HMCN1: variants seen among roughly 807,000 people sequenced by gnomAD.
HMCN1 encodes hemicentin-1.
In HMCN1, 321 loss-of-function variants were observed where a neutral mutation model predicts 625.9. That is an observed-to-expected ratio of 0.51 (90% CI 0.47 to 0.56). The LOEUF (loss-of-function observed/expected upper bound fraction) is 0.56, where lower values mean the gene tolerates loss of function less well. Ranked by LOEUF, HMCN1 falls within the 20% of genes least tolerant of loss-of-function variation. The probability of loss-of-function intolerance (pLI) is 0.00; values close to 1 mark genes in which losing one functional copy is unlikely to be tolerated. For synonymous variants in HMCN1, 2,425 were observed against 2,417.6 expected (o/e 1.00, Z -0.09); for missense variants, 6,588 against 6,887.3 (o/e 0.96, Z 1.54).
intron 68 of HMCN1, among the ~76,000 whole-genome samples, chr1:186,100,399 T>C (rs1410981827): frequency 6.6e-6 from 1 of 152,044 alleles, no homozygotes; most frequent in Non-Finnish European, 1.5e-5. Context: ...ATTCTATCCA[T>C]GTGGTGGGAG....
chr1:186,034,577 C>G (rs1655697716), intron 36 of HMCN1, among the ~76,000 whole-genome samples: 1 of 152,066 alleles, frequency 6.6e-6, no homozygotes, highest in African/African-American at 2.4e-5. Context: ...CAGAATGGTA[C>G]TTTCAGGTCG....
intron 2 of HMCN1, among the ~76,000 whole-genome samples, chr1:185,854,791 A>G (rs534886271): frequency 1.3e-5 from 2 of 152,278 alleles, no homozygotes; most frequent in African/African-American, 4.8e-5. Context: ...GTCTTTGTAA[A>G]TCATAATGAT....
intron 13 of HMCN1, 28 bp from the exon 14 acceptor site, chr1:185,965,774 T>C (rs750589290): frequency 1.6e-6 from 2 of 1,223,428 alleles, no homozygotes; most frequent in Non-Finnish European, 2.4e-6. Context: ...TGCTAAATGT[T>C]GACTATTTGC....
intron 1 of HMCN1, among the ~76,000 whole-genome samples, chr1:185,751,338 T>C (rs1414214555): frequency 6.6e-6 from 1 of 152,160 alleles, no homozygotes; most frequent in East Asian, 1.9e-4. Context: ...ATTTTATTGT[T>C]TTCTGACTTC....
chr1:185,873,672 T>G (rs952107451), intron 4 of HMCN1, among the ~76,000 whole-genome samples: 1 of 152,046 alleles, frequency 6.6e-6, no homozygotes, highest in South Asian at 2.1e-4. Flanking sequence ...GATTGAATAA[T>G]AAGCAACTAA....
At chr1:185,896,969 A>G (rs1665527560) in intron 4 of HMCN1, among the ~76,000 whole-genome samples, 1 of 152,172 alleles carries the variant, frequency 6.6e-6, no homozygotes, top group African/African-American at 2.4e-5. Context: ...TTGGCAAAGT[A>G]TTGATTTTTT....
intron 6 of HMCN1, among the ~76,000 whole-genome samples, chr1:185,912,184 C>A (rs1214727802): frequency 6.6e-6 from 1 of 152,174 alleles, no homozygotes; most frequent in Non-Finnish European, 1.5e-5. Context: ...GCCTGGGGAG[C>A]AGAACTTCTC....
In HMCN1 at chr1:186,114,889, T is replaced by C; in HGVS notation, c.11347T>C (p.Cys3783Arg). The change falls in exon 74 of 107, where the codon TGT (cysteine) becomes CGT (arginine). Residue 3783 changes from cysteine (C) to arginine (R), a missense_variant. Physicochemically the swap from Cys to Arg is radical, Grantham distance 180. Around this residue, in one of 3 missense-constraint regions of HMCN1, gnomAD observed 4,628 missense variants for 4,853.1 expected, o/e 0.95. Transcript: ENST00000271588. ...AHVTDTGRYL[C>R]MATNAAGTDR... ...TGTCACTGACACTGGACGGTATTTG[T>C]GTATGGCCACCAATGCTGCTGGAAC... The C allele has an allele frequency of 6.2e-7, 1 of 1,614,188 alleles. No homozygotes were observed. The highest frequency in any genetic ancestry group is 8.5e-7 in the Non-Finnish European group (1 of 1,180,006).
At chr1:186,144,729 C>T in intron 91 of HMCN1, 26 bp downstream of exon 91, 4 of 1,611,986 alleles carry the variant, frequency 2.5e-6, no homozygotes, top group Non-Finnish European at 3.4e-6. Flanking sequence ...AGTGAGTCAA[C>T]ATTATACTTT....
chr1:185,822,966 A>G (rs1660283922), intron 1 of HMCN1, among the ~76,000 whole-genome samples: 1 of 152,100 alleles, frequency 6.6e-6, no homozygotes, highest in Non-Finnish European at 1.5e-5. Flanking sequence ...TCACTGTTAA[A>G]ATTTGATATA....
At chr1:185,982,431 G>C in intron 18 of HMCN1, 42 bp downstream of exon 18, 1 of 1,526,534 alleles carries the variant, frequency 6.6e-7, no homozygotes. Flanking sequence ...TCTTTTGTGA[G>C]TTTTCTTTTC....
chr1:185,962,602 A>G lies in HMCN1; in HGVS notation c.1913A>G (p.Tyr638Cys), dbSNP rs184523019. Residue 638 changes from tyrosine (Y) to cysteine (C), a missense_variant, in exon 12 of 107, where the codon TAT becomes TGT. Tyr to Cys is a radical substitution (Grantham distance 194). Transcript: ENST00000271588. ...EVSIMCSATG[Y>C]PKPKIAWTVN... ...TCCATCATGTGTTCTGCAACAGGTT[A>G]TCCCAAACCAAAGATTGCCTGGACC... is the stretch of plus-strand genomic sequence containing the variant. 8.1e-6 allele frequency: 13 copies of G among 1,595,324 alleles called. No individual in the cohort carries two copies. In the East Asian group the frequency reaches 1.1e-4, roughly 14 times the overall value.
intron 6 of HMCN1, among the ~76,000 whole-genome samples, chr1:185,921,688 T>A (rs901507306): frequency 3.9e-5 from 6 of 152,214 alleles, no homozygotes; most frequent in Admixed American, 2.0e-4. Context: ...TATGTGGTCA[T>A]TTTATTTTGA....
intron 70 of HMCN1, among the ~76,000 whole-genome samples, chr1:186,107,518 T>C (rs1007102655): frequency 2.0e-5 from 3 of 152,222 alleles, no homozygotes; most frequent in Non-Finnish European, 1.5e-5. Flanking sequence ...GTTTATATAG[T>C]GTACCTATAG....
chr1:186,138,766 A>C lies in HMCN1; in HGVS notation c.13924+794A>C, dbSNP rs552279663. On this transcript the variant is annotated intron_variant, in intron 89 of 106. Coordinates refer to ENST00000271588, the MANE Select transcript of HMCN1 (RefSeq NM_031935.3). ...AACCCTGTTTGCTTTTGTTCAGGTCACATGTTTACCCCTGAACTCAAGTGA... is the reference window on the plus strand; with the variant it reads ...AACCCTGTTTGCTTTTGTTCAGGTCCCATGTTTACCCCTGAACTCAAGTGA... Among the ~76,000 whole-genome samples the C allele has an allele frequency of 3.9e-5, 6 of 152,260 alleles. No homozygotes were observed. In the South Asian group the frequency reaches 1.2e-3, roughly 32 times the overall value.
chr1:186,134,293 G>T (rs1405505835), intron 86 of HMCN1, among the ~76,000 whole-genome samples: 1 of 152,086 alleles, frequency 6.6e-6, no homozygotes, highest in African/African-American at 2.4e-5. Flanking sequence ...TTCAAGGATG[G>T]TATCTAAATT....
intron 97 of HMCN1, among the ~76,000 whole-genome samples, chr1:186,160,893 T>C (rs1377940516): frequency 4.0e-5 from 6 of 151,356 alleles, no homozygotes; most frequent in African/African-American, 1.5e-4. Flanking sequence ...AAAATGTATA[T>C]TCTGTTGATT....
At chr1:185,897,844 T>G (rs913101686) in intron 4 of HMCN1, among the ~76,000 whole-genome samples, 22 of 152,360 alleles carry the variant, frequency 1.4e-4, no homozygotes, top group African/African-American at 5.1e-4. Context: ...TTGTGATATT[T>G]AACTCATCTG....
chr1:185,947,952 A>G (rs1353097516), intron 11 of HMCN1, among the ~76,000 whole-genome samples: 2 of 152,228 alleles, frequency 1.3e-5, no homozygotes, highest in Non-Finnish European at 2.9e-5. Flanking sequence ...CCCTAATCAG[A>G]AATGAAAATG....
Sources: allele counts gnomAD v4.1 joint callset (sites outside exome capture counted in the v4.1 genomes callset), GRCh38; gene constraint gnomAD v4.1.1; regional missense constraint gnomAD v4.1.1; transcripts MANE v1.5; gene names NCBI Gene and HGNC (gene_info 2026-07-23, HGNC 2026-07-21).